Variants in COL4A6 observed in about 807,000 individuals in gnomAD.
COL4A6 encodes collagen alpha-6(IV) chain.
Under a neutral mutation model 126.7 loss-of-function variants are expected in COL4A6, and 59 were observed. The ratio of observed to expected loss-of-function variants is 0.47; its 90% CI spans 0.38 to 0.58. The LOEUF (loss-of-function observed/expected upper bound fraction) is 0.58, where lower values mean the gene tolerates loss of function less well. Ranked by LOEUF, COL4A6 falls within the 20% of genes least tolerant of loss-of-function variation. COL4A6 has a pLI of 0.00. For missense variants in COL4A6, 1,285 were observed against 1,337.3 expected, an observed-to-expected ratio of 0.96 and a Z score of 0.61; for synonymous variants, 547 against 496.6, an observed-to-expected ratio of 1.10 and a Z score of -1.35.
chrX:108,230,640 T>C (rs1434542124), intron 3 of COL4A6, among the ~76,000 whole-genome samples: 1 of 112,131 alleles, frequency 8.9e-6, no homozygotes, highest in Non-Finnish European at 1.9e-5. Context: ...ATGAGTAGAA[T>C]ACTTAAACTT....
At chrX:108,169,658 G>A in intron 36 of COL4A6, 38 bp from the exon 37 acceptor site, 1 of 1,179,795 alleles carries the variant, frequency 8.5e-7, no homozygotes, top group Non-Finnish European at 1.1e-6. Context: ...AGACCTCAGT[G>A]GAGGTGAGGC....
chrX:108,342,125 C>A (rs1411709906), intron 2 of COL4A6, among the ~76,000 whole-genome samples: 1 of 111,970 alleles, frequency 8.9e-6, no homozygotes, highest in African/African-American at 3.2e-5. Context: ...CTGAGGTTAG[C>A]AAATCCCCAT....
At chrX:108,405,680 C>T (rs1187332576) in intron 2 of COL4A6, among the ~76,000 whole-genome samples, 1 of 111,464 alleles carries the variant, frequency 9.0e-6, no homozygotes, top group African/African-American at 3.3e-5. Flanking sequence ...TTTCAACTAT[C>T]ATCAATATGC....
At chrX:108,280,597 C>T (rs1468262850) in intron 3 of COL4A6, among the ~76,000 whole-genome samples, 1 of 111,954 alleles carries the variant, frequency 8.9e-6, no homozygotes, top group East Asian at 2.8e-4. Flanking sequence ...CCTTCTGAAA[C>T]TATTCCAGTC....
At chrX:108,224,038 C>G (rs1273850370) in intron 3 of COL4A6, among the ~76,000 whole-genome samples, 1 of 112,211 alleles carries the variant, frequency 8.9e-6, no homozygotes, top group Non-Finnish European at 1.9e-5. Flanking sequence ...ATCCTGCTCA[C>G]ACCATTAGAG....
chrX:108,281,321 A>C (rs1193249678), intron 3 of COL4A6, among the ~76,000 whole-genome samples: 1 of 86,688 alleles, frequency 1.2e-5, no homozygotes, highest in Admixed American at 1.3e-4. Flanking sequence ...ATCAATGTAC[A>C]AAAATCACAA....
intron 2 of COL4A6, among the ~76,000 whole-genome samples, chrX:108,422,561 C>T (rs887704586): frequency 9.9e-5 from 11 of 111,448 alleles, no homozygotes; most frequent in Non-Finnish European, 1.5e-4. Flanking sequence ...GAGGAATATA[C>T]ACATAGAAAT....
At chrX:108,219,634 G>C in intron 5 of COL4A6, 64 bp downstream of exon 5, 1 of 1,010,126 alleles carries the variant, frequency 9.9e-7, no homozygotes, top group Non-Finnish European at 1.4e-6. Context: ...TGAGGTCAAA[G>C]TGTCCAAAAT....
intron 2 of COL4A6, among the ~76,000 whole-genome samples, chrX:108,430,120 T>C (rs1238646490): frequency 8.9e-6 from 1 of 112,103 alleles, no homozygotes; most frequent in Admixed American, 9.5e-5. Flanking sequence ...AAATTCATTC[T>C]GAAGAGGTCT....
At chrX:108,394,799 C>T (rs1174510182) in intron 2 of COL4A6, among the ~76,000 whole-genome samples, 1 of 111,934 alleles carries the variant, frequency 8.9e-6, no homozygotes, top group African/African-American at 3.2e-5. Flanking sequence ...AAAGAATTTA[C>T]ACCATGTAAT....
In COL4A6 at chrX:108,237,249, T is replaced by C. The variant is rs952306466; in HGVS notation, c.145-15875A>G. ...TGTCCTAGGTCTGGTCCTATTGCTC[T>C]CCTGCTCAAAAATTGTAAACCACTC... On this transcript the variant is annotated intron_variant, in intron 3 of 44. Coordinates refer to ENST00000334504, the MANE Select transcript of COL4A6 (RefSeq NM_033641.4). Among the ~76,000 whole-genome samples, 4 of 111,530 alleles carry C rather than the reference T, an allele frequency of 3.6e-5. No homozygotes were observed. The South Asian group carries it at 1.5e-3, about 43-fold the overall frequency.
intron 3 of COL4A6, among the ~76,000 whole-genome samples, chrX:108,282,965 G>A (rs1459514671): frequency 1.1e-5 from 1 of 90,899 alleles, no homozygotes; most frequent in East Asian, 3.8e-4. Flanking sequence ...CATGGACACA[G>A]GAAGGGGAAC....
intron 37 of COL4A6, among the ~76,000 whole-genome samples, chrX:108,166,119 C>G (rs1268144397): frequency 1.8e-5 from 2 of 112,686 alleles, no homozygotes; most frequent in African/African-American, 3.2e-5. Flanking sequence ...TCCCTCCCCC[C>G]TTTTTGGCCA....
Position 108,341,114 on chromosome X carries a change from G to C in COL4A6, c.64-30286C>G, listed in dbSNP as rs1169943787. On this transcript the variant is annotated intron_variant, in intron 2 of 44. Transcript: ENST00000334504. ...AACAGGGGATGTATCTGAGCTTTCT[G>C]TCATTGAACCTACCTAAACATCCAT... Among the ~76,000 whole-genome samples the C allele has an allele frequency of 2.7e-5, 3 of 111,259 alleles. No homozygotes were observed. The East Asian group carries it at 8.5e-4, about 31-fold the overall frequency.
At chrX:108,221,442 C>T (rs138037775) in intron 3 of COL4A6, 68 bp from the exon 4 acceptor site, 39 of 1,113,083 alleles carry the variant, frequency 3.5e-5, no homozygotes, top group African/African-American at 1.5e-4. Context: ...CATTTTCCCA[C>T]GCACAAAGAG....
chrX:108,336,145 A>G (rs911708536), intron 2 of COL4A6, among the ~76,000 whole-genome samples: 7 of 111,829 alleles, frequency 6.3e-5, no homozygotes, highest in African/African-American at 2.3e-4. Context: ...TACCCAAAAG[A>G]ATTGAAAACA....
Position 108,175,131 on chromosome X carries a change from G to A in COL4A6, c.2915C>T (p.Ser972Phe). ...SNLWLKGDKGSQGSAGSNGFP... is the reference protein window; with the variant it reads ...SNLWLKGDKGFQGSAGSNGFP... ...TCCATTGGATCCGGCTGAGCCTTGA[G>A]AGCCTTTGTCTCCTTTGAGCCAAAG... The change falls in exon 30 of 45, where the codon TCT becomes TTT. Residue 972 changes from serine to phenylalanine, a missense_variant. Physicochemically the swap from Ser to Phe is radical, Grantham distance 155 (BLOSUM62 -2). Coordinates refer to ENST00000334504, the MANE Select transcript of COL4A6 (RefSeq NM_033641.4). 8.3e-7 allele frequency: 1 copy of A among 1,203,166 alleles called. No homozygotes were observed. The highest frequency in any genetic ancestry group is 1.1e-6 in the Non-Finnish European group (1 of 891,285).
At chrX:108,177,848 C>A (rs1032754583) in intron 27 of COL4A6, among the ~76,000 whole-genome samples, 5 of 111,615 alleles carry the variant, frequency 4.5e-5, no homozygotes, top group African/African-American at 1.6e-4. Flanking sequence ...AACTCCACAA[C>A]AAGGGAAAAA....
intron 3 of COL4A6, among the ~76,000 whole-genome samples, chrX:108,251,245 ATCAATCAAACTGATTCCCTAATATG>A (rs1300687087): frequency 1.8e-5 from 2 of 111,945 alleles, no homozygotes; most frequent in Non-Finnish European, 3.8e-5. Flanking sequence ...AAAAATTGCT[ATCAATCAAACTGATTCCCTAATATG>A]TCAATCAAAC....
Sources: gnomAD v4.1 joint callset for allele counts (sites outside exome capture counted in the v4.1 genomes callset) on GRCh38, gnomAD v4.1.1 for gene constraint, MANE v1.5 for transcripts, NCBI Gene and HGNC (gene_info 2026-07-23, HGNC 2026-07-21) for gene names.